MEF2C: variants seen among roughly 807,000 people sequenced by gnomAD.
The protein encoded by MEF2C is myocyte-specific enhancer factor 2C.
MEF2C carries 6 observed loss-of-function variants against 50.5 expected under a neutral mutation model. The observed-to-expected ratio is 0.12, with a 90% CI of 0.07 to 0.23. The LOEUF (loss-of-function observed/expected upper bound fraction) is 0.23. Ranked by LOEUF, MEF2C falls within the 10% of genes least tolerant of loss-of-function variation. The pLI, the probability that MEF2C is intolerant of heterozygous loss-of-function variation, is 1.00. For synonymous variants in MEF2C, 183 were observed against 228.0 expected (o/e 0.80, Z 1.78); for missense variants, 276 against 605.0 (o/e 0.46, Z 5.70).
At chr5:88,755,658 C>A (rs1267912951) in intron 4 of MEF2C, among the ~76,000 whole-genome samples, 3 of 152,192 alleles carry the variant, frequency 2.0e-5, no homozygotes, top group African/African-American at 7.2e-5. Context: ...AAAGCCATCT[C>A]TGGGCTACAA....
intron 1 of MEF2C, among the ~76,000 whole-genome samples, chr5:88,848,738 A>G (rs1387028639): frequency 6.6e-6 from 1 of 152,240 alleles, no homozygotes; most frequent in Non-Finnish European, 1.5e-5. Context: ...GAAAGAGTTA[A>G]AAGATTTTCT....
At chr5:88,815,199 G>A (rs1464535517) in intron 2 of MEF2C, among the ~76,000 whole-genome samples, 2 of 152,068 alleles carry the variant, frequency 1.3e-5, no homozygotes, top group East Asian at 1.9e-4. Context: ...ATGTACCTAA[G>A]GGAAAGGTCA....
At chr5:88,811,590 C>T (rs1285587209) in intron 2 of MEF2C, among the ~76,000 whole-genome samples, 1 of 152,130 alleles carries the variant, frequency 6.6e-6, no homozygotes, top group African/African-American at 2.4e-5. Context: ...ATGCACCCTA[C>T]AGAATCTCCT....
rs541832890 is a variant in MEF2C at position 88,779,086 on chromosome 5, G to T, written c.259-17758C>A. 2.2e-3 allele frequency among the ~76,000 whole-genome samples: 330 copies of T among 152,298 alleles called. 1 individual carries two copies. Among genetic ancestry groups the T allele is most frequent in the African/African-American group, 7.7e-3 (322 of 41,558 alleles). ...AAATAAAGTTGTATAACTTTTAAAA[G>T]AAGTTTACAATTATGATGCTTTGCT... is the stretch of plus-strand genomic sequence containing the variant. On this transcript the variant is annotated intron_variant, in intron 3 of 10. Coordinates refer to ENST00000504921, the MANE Select transcript of MEF2C (RefSeq NM_002397.5).
At chr5:88,780,199 A>G (rs1423830232) in intron 3 of MEF2C, among the ~76,000 whole-genome samples, 1 of 152,178 alleles carries the variant, frequency 6.6e-6, no homozygotes, top group East Asian at 1.9e-4. Context: ...AGTTTTCTTT[A>G]ATATAAATAA....
Position 88,761,375 on chromosome 5 carries a change from G to A in MEF2C, c.259-47C>T, listed in dbSNP as rs537147597. On this transcript the variant is annotated intron_variant, in intron 3 of 10. Transcript: ENST00000504921. ...GTTCAAACCTAGACAAAGGCTGTAA[G>A]AGACATTCAGGGGCATTAAAGAAGT... 2.2e-5 allele frequency: 35 copies of A among 1,578,594 alleles called. No homozygotes were observed. The South Asian group carries it at 3.8e-4, about 17-fold the overall frequency.
At chr5:88,814,794 A>G (rs1341250131) in intron 2 of MEF2C, among the ~76,000 whole-genome samples, 3 of 152,140 alleles carry the variant, frequency 2.0e-5, no homozygotes, top group Non-Finnish European at 2.9e-5. Flanking sequence ...ACAAACTCAT[A>G]AAAGTTTGAG....
rs1755773595 is a variant in MEF2C, at chr5:88,720,077, A to G, written c.*2527T>C. 1 of 152,200 alleles carries G rather than the reference A, an allele frequency of 6.6e-6. No homozygotes were observed. Among genetic ancestry groups the G allele is most frequent in the Non-Finnish European group, 1.5e-5 (1 of 68,014 alleles). 9.4% of individuals were successfully genotyped at this position (152,200 alleles called of 1,614,324 possible). Reference sequence around the variant, plus strand: ...CACTGGTATCTACTGATATTGATATACTAAAGTATTTTGAAATGACAAAGA... The same window carrying G: ...CACTGGTATCTACTGATATTGATATGCTAAAGTATTTTGAAATGACAAAGA... On this transcript the variant is annotated 3_prime_UTR_variant, in exon 11 of 11. Transcript: ENST00000504921.
At chr5:88,893,067 T>G (rs1180092502) in intron 1 of MEF2C, among the ~76,000 whole-genome samples, 1 of 152,210 alleles carries the variant, frequency 6.6e-6, no homozygotes, top group Non-Finnish European at 1.5e-5. Context: ...ATTTTGCATT[T>G]TTGGTTCTAA....
chr5:88,839,349 C>CTATATA (rs1399190052), intron 1 of MEF2C: 20 of 144,032 alleles, frequency 1.4e-4, no homozygotes, highest in African/African-American at 4.3e-4. Context: ...CTCTCTCTCT[C>CTATATA]TCTCTATCTA....
At chr5:88,903,636 A>G (rs1201840304) in intron 1 of MEF2C, among the ~76,000 whole-genome samples, 4 of 152,184 alleles carry the variant, frequency 2.6e-5, no homozygotes, top group African/African-American at 4.8e-5. Flanking sequence ...AATATTATAA[A>G]TGTAATTAAC....
intron 2 of MEF2C, among the ~76,000 whole-genome samples, chr5:88,807,117 A>G (rs1228555793): frequency 6.6e-6 from 1 of 152,212 alleles, no homozygotes; most frequent in Non-Finnish European, 1.5e-5. Flanking sequence ...ATCATATGAC[A>G]TTGAAGGTAG....
chr5:88,794,980 C>G (rs1795382169), intron 3 of MEF2C, among the ~76,000 whole-genome samples: 1 of 152,120 alleles, frequency 6.6e-6, no homozygotes, highest in Non-Finnish European at 1.5e-5. Flanking sequence ...TCTGAGGCCT[C>G]TGTTCTGTTC....
chr5:88,722,825 G>C lies in MEF2C; in HGVS notation c.1201C>G (p.Arg401Gly), dbSNP rs1064797057. 6.2e-7 allele frequency: 1 copy of C among 1,613,940 alleles called. No individual in the cohort carries two copies. Among genetic ancestry groups the C allele is most frequent in the East Asian group, 2.2e-5 (1 of 44,880 alleles). Residue 401 changes from arginine to glycine, a missense_variant, in exon 11 of 11, where the codon CGT (arginine) becomes GGT (glycine). Physicochemically the swap from Arg to Gly is moderately radical, Grantham distance 125. Coordinates refer to ENST00000504921, the MANE Select transcript of MEF2C (RefSeq NM_002397.5). ...KSEPVSPPRD[R>G]TTTPSRYPQH... ...GGGTATCTCGAAGGGGTGGTGGTAC[G>C]GTCTCTAGGAGGAGAAACAGGTTCT...
chr5:88,847,787 T>G (rs1329991646), intron 1 of MEF2C, among the ~76,000 whole-genome samples: 2 of 152,118 alleles, frequency 1.3e-5, no homozygotes, highest in African/African-American at 4.8e-5. Flanking sequence ...TACATAAAAT[T>G]AGGATACAAC....
intron 2 of MEF2C, among the ~76,000 whole-genome samples, chr5:88,813,595 C>G (rs750478644): frequency 6.6e-6 from 1 of 152,018 alleles, no homozygotes; most frequent in Non-Finnish European, 1.5e-5. Context: ...CTACTCACAT[C>G]TATAATAATA....
At chr5:88,831,355 G>A (rs146792929) in intron 1 of MEF2C, among the ~76,000 whole-genome samples, 2 of 151,774 alleles carry the variant, frequency 1.3e-5, no homozygotes, top group South Asian at 2.1e-4. Flanking sequence ...TATTAAGATC[G>A]TGGTGTGAAT....
intron 6 of MEF2C, chr5:88,734,562 T>TTTG (rs1258803382): frequency 0.02 from 10,134 of 502,562 alleles, 36 homozygotes; most frequent in Non-Finnish European, 0.023. Context: ...TTGAGAAAAG[T>TTTG]TTGTTTTTTT....
intron 3 of MEF2C, among the ~76,000 whole-genome samples, chr5:88,792,250 A>T (rs1794120388): frequency 6.6e-6 from 1 of 152,098 alleles, no homozygotes; most frequent in African/African-American, 2.4e-5. Flanking sequence ...AAAAAAATAC[A>T]GTATACTTCA....
Sources: gnomAD v4.1 joint callset for allele counts (sites outside exome capture counted in the v4.1 genomes callset) on GRCh38, gnomAD v4.1.1 for gene constraint, MANE v1.5 for transcripts, NCBI Gene and HGNC (gene_info 2026-07-23, HGNC 2026-07-21) for gene names.